SCARB2: variants seen among roughly 807,000 people sequenced by gnomAD.
The protein encoded by SCARB2 is scavenger receptor class B member 2, also known as lysosome membrane protein 2.
In SCARB2, 29 loss-of-function variants were observed where a neutral mutation model predicts 58.6. The ratio of observed to expected loss-of-function variants is 0.49; its 90% confidence interval spans 0.37 to 0.67. SCARB2 has a LOEUF of 0.67. SCARB2 is among the 30% of genes least tolerant of loss of function. The pLI is 0.00. For synonymous variants in SCARB2, 195 were observed against 210.1 expected, an observed-to-expected ratio of 0.93 and a Z score of 0.62; for missense variants, 488 against 578.5, an observed-to-expected ratio of 0.84 and a Z score of 1.60.
chr4:76,227,124 C>G (rs563561596), intron 1 of SCARB2, among the ~76,000 whole-genome samples: 2 of 152,138 alleles, frequency 1.3e-5, no homozygotes, highest in African/African-American at 4.8e-5. Flanking sequence ...CTTAGAGTGT[C>G]TATTTGTGCT....
chr4:76,219,355 C>A (rs549799019), intron 1 of SCARB2, among the ~76,000 whole-genome samples: 1 of 152,088 alleles, frequency 6.6e-6, no homozygotes, highest in Non-Finnish European at 1.5e-5. Context: ...TATATTCTGA[C>A]GTGAAATGTA....
At chr4:76,174,018 AC>A in intron 7 of SCARB2, 125 bp downstream of exon 7, 1 of 1,198,386 alleles carries the variant, frequency 8.3e-7, no homozygotes, top group African/African-American at 1.5e-5. Flanking sequence ...TGATCATCCC[AC>A]CTCAGCATCC....
chr4:76,186,600 G>T (rs1016638719), intron 2 of SCARB2, among the ~76,000 whole-genome samples: 7 of 152,150 alleles, frequency 4.6e-5, no homozygotes, highest in Non-Finnish European at 7.3e-5. Flanking sequence ...GTCGGGAGAA[G>T]ACTCACCCGC....
At chr4:76,219,486 T>TTTCACA (rs1733270274) in intron 1 of SCARB2, among the ~76,000 whole-genome samples, 1 of 152,242 alleles carries the variant, frequency 6.6e-6, no homozygotes, top group South Asian at 2.1e-4. Flanking sequence ...GGCTGTCTGA[T>TTTCACA]TTCCTGCATG....
At chr4:76,183,492 A>G (rs1020862804) in intron 2 of SCARB2, among the ~76,000 whole-genome samples, 1 of 152,206 alleles carries the variant, frequency 6.6e-6, no homozygotes, top group African/African-American at 2.4e-5. Flanking sequence ...AGGATATTAC[A>G]AAGTATACAG....
intron 1 of SCARB2, among the ~76,000 whole-genome samples, chr4:76,200,384 T>C: frequency 6.6e-6 from 1 of 152,244 alleles, no homozygotes; most frequent in Non-Finnish European, 1.5e-5. Flanking sequence ...CCACGCACAA[T>C]ACTGTGGCAC....
rs770865309 is a variant in SCARB2, at chr4:76,206,956, C to A, written c.117+6471G>T. 7.5e-4 allele frequency among the ~76,000 whole-genome samples: 114 copies of A among 152,048 alleles called. 1 individual carries two copies. The highest frequency in any genetic ancestry group is 2.2e-3 in the Admixed American group (33 of 15,260). On this transcript the variant is annotated intron_variant, in intron 1 of 11. Coordinates refer to ENST00000264896, the MANE Select transcript of SCARB2 (RefSeq NM_005506.4). ...AAGCAAAATCCTGGTTGTTTGAAAA[C>A]ATTAACAAGATAGCTTCCAAACTGG...
chr4:76,214,175 C>T, upstream of SCARB2: 2 of 452,736 alleles, frequency 4.4e-6, no homozygotes, highest in South Asian at 3.1e-5. Flanking sequence ...GTGGCTGGGA[C>T]ATTCCCCTGC....
intron 1 of SCARB2, among the ~76,000 whole-genome samples, chr4:76,200,361 A>G (rs969049944): frequency 7.2e-5 from 11 of 152,258 alleles, no homozygotes; most frequent in African/African-American, 2.7e-4. Context: ...CAAGACGAAC[A>G]TAATGAATTT....
At chr4:76,222,148 A>T (rs1021335100) in intron 1 of SCARB2, among the ~76,000 whole-genome samples, 2 of 152,232 alleles carry the variant, frequency 1.3e-5, no homozygotes, top group African/African-American at 4.8e-5. Flanking sequence ...TCAGTGGTAC[A>T]AAATACTACT....
intron 7 of SCARB2, chr4:76,172,633 G>T (rs975165030): frequency 6.6e-6 from 1 of 151,864 alleles, no homozygotes; most frequent in Non-Finnish European, 1.5e-5. Context: ...CAAGGATCAG[G>T]AGGTATACTG....
chr4:76,168,235 A>T (rs1732055652), intron 9 of SCARB2, among the ~76,000 whole-genome samples, 168 bp downstream of exon 9: 1 of 152,226 alleles, frequency 6.6e-6, no homozygotes, highest in African/African-American at 2.4e-5. Context: ...TAAAACAAGT[A>T]AATTCCAAGA....
intron 1 of SCARB2, among the ~76,000 whole-genome samples, chr4:76,199,407 T>C (rs948556944): frequency 2.0e-5 from 3 of 152,362 alleles, no homozygotes; most frequent in Admixed American, 6.5e-5. Flanking sequence ...AAAATGTTTT[T>C]ATTCATAGGA....
intron 3 of SCARB2, 144 bp from the exon 4 acceptor site, chr4:76,179,849 C>A: frequency 1.4e-6 from 1 of 734,678 alleles, no homozygotes; most frequent in Non-Finnish European, 2.4e-6. Flanking sequence ...GCAGTGAGCT[C>A]CTTTCTGGCT....
chr4:76,199,531 C>T (rs988854858), intron 1 of SCARB2, among the ~76,000 whole-genome samples: 3 of 152,200 alleles, frequency 2.0e-5, no homozygotes, highest in Non-Finnish European at 4.4e-5. Context: ...ACAACTGATA[C>T]ATCGGACTGA....
intron 1 of SCARB2, among the ~76,000 whole-genome samples, chr4:76,196,266 T>C (rs897540952): frequency 2.0e-5 from 3 of 152,210 alleles, no homozygotes; most frequent in Non-Finnish European, 4.4e-5. Flanking sequence ...GGCAGTAGAC[T>C]TGCTTGAACC....
intron 6 of SCARB2, 126 bp from the exon 7 acceptor site, chr4:76,174,439 A>C: frequency 2.5e-6 from 2 of 812,682 alleles, no homozygotes; most frequent in Non-Finnish European, 4.2e-6. Context: ...GTAGAAAGGA[A>C]TGTTTGGAAG....
At chr4:76,233,150 A>G (rs1733521632) in intron 1 of SCARB2, among the ~76,000 whole-genome samples, 1 of 152,202 alleles carries the variant, frequency 6.6e-6, no homozygotes, top group African/African-American at 2.4e-5. Context: ...AGTCTCAATT[A>G]CATGTTGTAA....
rs1209445728 is a variant in SCARB2, at chr4:76,203,045, G to A, written c.118-7181C>T. Among the ~76,000 whole-genome samples the A allele has an allele frequency of 2.6e-5, 4 of 152,250 alleles. No individual in the cohort carries two copies. In the East Asian group the frequency reaches 5.8e-4, roughly 22 times the overall value. On this transcript the variant is annotated intron_variant, in intron 1 of 11. Transcript: ENST00000264896. ...TTGCTTTTGTCACTCAGGCTGGAAT[G>A]CAGTGGTGCAATCTTGGCTCACTGC... is the stretch of plus-strand genomic sequence containing the variant.
Sources: gnomAD v4.1 joint callset for allele counts (sites outside exome capture counted in the v4.1 genomes callset) on GRCh38, gnomAD v4.1.1 for gene constraint, MANE v1.5 for transcripts, NCBI Gene and HGNC (gene_info 2026-07-23, HGNC 2026-07-21) for gene names.